The following ADAMTS2 variants were observed in gnomAD, a reference collection of about 807,000 sequenced individuals.
ADAMTS2 encodes A disintegrin and metalloproteinase with thrombospondin motifs 2.
Under a neutral mutation model 123.0 loss-of-function variants are expected in ADAMTS2, and 50 were observed. The ratio of observed to expected loss-of-function variants is 0.41; its 90% CI spans 0.32 to 0.51. ADAMTS2 has a LOEUF of 0.51. Ranked by LOEUF, ADAMTS2 falls within the 20% of genes least tolerant of loss-of-function variation. ADAMTS2 has a pLI of 0.35. For missense variants in ADAMTS2, 1,494 were observed against 1,705.2 expected, an observed-to-expected ratio of 0.88 and a Z score of 2.18; for synonymous variants, 678 against 695.4, an observed-to-expected ratio of 0.98 and a Z score of 0.39.
chr5:179,344,834 G>A (rs951734553), intron 1 of ADAMTS2, among the ~76,000 whole-genome samples: 2 of 152,168 alleles, frequency 1.3e-5, no homozygotes, highest in Admixed American at 1.3e-4. Flanking sequence ...CGGCTCCTCC[G>A]GAGCGTCCCC....
chr5:179,199,607 A>G (rs1408620616), intron 4 of ADAMTS2, among the ~76,000 whole-genome samples: 1 of 152,138 alleles, frequency 6.6e-6, no homozygotes, highest in Non-Finnish European at 1.5e-5. Flanking sequence ...CTCAGACCCC[A>G]GTGGGTGTGC....
chr5:179,145,250 A>G (rs1243593639), intron 10 of ADAMTS2, among the ~76,000 whole-genome samples: 2 of 152,168 alleles, frequency 1.3e-5, no homozygotes, highest in Admixed American at 6.6e-5. Context: ...TTTGGGGAGG[A>G]TATGGAGAAA....
At chr5:179,230,299 G>A (rs1304502188) in intron 3 of ADAMTS2, among the ~76,000 whole-genome samples, 1 of 152,148 alleles carries the variant, frequency 6.6e-6, no homozygotes, top group African/African-American at 2.4e-5. Context: ...AGTGCGGTCT[G>A]GACATCCCAG....
At chr5:179,140,607 C>T (rs1174447363) in intron 10 of ADAMTS2, among the ~76,000 whole-genome samples, 2 of 152,026 alleles carry the variant, frequency 1.3e-5, no homozygotes, top group Admixed American at 6.6e-5. Flanking sequence ...GTTTAGGGGA[C>T]CCACTTTAAG....
Position 179,234,067 on chromosome 5 carries a change from C to T in ADAMTS2, c.689-26352G>A, listed in dbSNP as rs980028705. ...CCGACTGCCAGGCCCTTCCACAGCC[C>T]GACTCCCCGTGGACTCTGCAGGTTT... On this transcript the variant is annotated intron_variant, in intron 3 of 21. Transcript: ENST00000251582. This position sits in a 1 kb window ranked among gnomAD's most constrained non-coding sequence, Gnocchi z 4.7. Among the ~76,000 whole-genome samples the T allele has an allele frequency of 2.6e-5, 4 of 152,154 alleles. No individual in the cohort carries two copies. The highest frequency in any genetic ancestry group is 5.9e-5 in the Non-Finnish European group (4 of 68,022).
intron 2 of ADAMTS2, among the ~76,000 whole-genome samples, chr5:179,280,021 C>G (rs1000317843): frequency 6.6e-6 from 1 of 152,238 alleles, no homozygotes; most frequent in Non-Finnish European, 1.5e-5. Context: ...GTCTAGGGCT[C>G]TGTCTTGGAG....
rs1763358930 is a variant in ADAMTS2 at position 179,151,708 on chromosome 5, AAGG to A, written c.1629+431_1629+433del. On this transcript the variant is annotated intron_variant, in intron 10 of 21. Coordinates refer to ENST00000251582, the MANE Select transcript of ADAMTS2 (RefSeq NM_014244.5). ...GGGAAGTGGGCCTGGGGCAGCCATC[AAGG>A]GACCTCGAAGGACAGTGTGCCCAAC... Among the ~76,000 whole-genome samples the A allele has an allele frequency of 3.3e-5, 5 of 152,196 alleles. No homozygotes were observed. In the South Asian group the frequency reaches 6.2e-4, roughly 19 times the overall value.
At chr5:179,207,015 A>C (rs1395780428) in intron 4 of ADAMTS2, among the ~76,000 whole-genome samples, 1 of 152,182 alleles carries the variant, frequency 6.6e-6, no homozygotes, top group East Asian at 1.9e-4. Flanking sequence ...GCTCTAATGC[A>C]CGTGAATCTC....
chr5:179,197,294 A>T lies in ADAMTS2; in HGVS notation c.891+10219T>A, dbSNP rs1365319179. Among the ~76,000 whole-genome samples the T allele has an allele frequency of 1.3e-5, 2 of 152,162 alleles. No individual in the cohort carries two copies. The highest frequency in any genetic ancestry group is 2.9e-5 in the Non-Finnish European group (2 of 68,028). ...TTGTAGATCCTGATATTTAAGCAACACATTGAGGCCTTAGGCTTCTCGGGA... is the reference window on the plus strand; with the variant it reads ...TTGTAGATCCTGATATTTAAGCAACTCATTGAGGCCTTAGGCTTCTCGGGA... On this transcript the variant is annotated intron_variant, in intron 4 of 21. Transcript: ENST00000251582. This position sits in a 1 kb window ranked among gnomAD's most constrained non-coding sequence, Gnocchi z 4.2.
chr5:179,330,507 G>A (rs528579836), intron 2 of ADAMTS2, among the ~76,000 whole-genome samples: 11 of 152,342 alleles, frequency 7.2e-5, no homozygotes, highest in Non-Finnish European at 1.0e-4. Flanking sequence ...CCCTAGTCCC[G>A]AGAATGCAGA....
At chr5:179,299,340 T>C (rs781512) in intron 2 of ADAMTS2, among the ~76,000 whole-genome samples, 10,939 of 15,666 alleles carry the variant, frequency 0.7, 3,857 homozygotes, top group East Asian at 0.91. Flanking sequence ...CCATCCTGGC[T>C]AACACGGTGA....
At chr5:179,283,334 G>A (rs1038740978) in intron 2 of ADAMTS2, among the ~76,000 whole-genome samples, 1 of 151,686 alleles carries the variant, frequency 6.6e-6, no homozygotes, top group African/African-American at 2.4e-5. Flanking sequence ...AAGAGTAGAG[G>A]AAGAAAAAAG....
chr5:179,316,778 A>G (rs1757012449), intron 2 of ADAMTS2, among the ~76,000 whole-genome samples: 1 of 152,158 alleles, frequency 6.6e-6, no homozygotes, highest in African/African-American at 2.4e-5. Flanking sequence ...CTCTACAAAA[A>G]ATAAATTTAA....
rs561461230 is a variant in ADAMTS2 at position 179,189,310 on chromosome 5, C to A, written c.892-8155G>T. On this transcript the variant is annotated intron_variant, in intron 4 of 21. Transcript: ENST00000251582. The surrounding 1 kb of genome is among the most constrained non-coding windows in gnomAD (Gnocchi z 4.2). Reference sequence around the variant, plus strand: ...AGCAAAGGGTGGTGGGACTACCATTCGTTGGTATAGGTTTGGGATAGACGG... The same window carrying A: ...AGCAAAGGGTGGTGGGACTACCATTAGTTGGTATAGGTTTGGGATAGACGG... 6.6e-6 allele frequency among the ~76,000 whole-genome samples: 1 copy of A among 151,322 alleles called. No individual in the cohort carries two copies. The highest frequency in any genetic ancestry group is 1.5e-5 in the Non-Finnish European group (1 of 67,888).
chr5:179,154,888 C>A lies in ADAMTS2; in HGVS notation c.1164G>T (p.Pro388=). 1 of 1,613,588 alleles carries A rather than the reference C, an allele frequency of 6.2e-7. No individual in the cohort carries two copies. Among genetic ancestry groups the A allele is most frequent in the Non-Finnish European group, 8.5e-7 (1 of 1,179,936 alleles). The change falls in exon 7 of 22, where the codon CCG becomes CCT. Residue 388 remains proline (P), a synonymous_variant. Transcript: ENST00000251582. ...CATGGTTCAGGGTGCAGCTGCGGAC[C>A]GGATGGCACATGCCGGTGACAGGAG... The part of the protein sequence containing the change: ...GYAPVTGMCH[P]VRSCTLNHED...
rs558835438 is a variant in ADAMTS2, at chr5:179,318,456, C to T, written c.534+25311G>A. ...GGACAGCCAGGGACGGCCACAGCTGCCCTGCCAGGAGGGACAGGGCCCACT... is the reference window on the plus strand; with the variant it reads ...GGACAGCCAGGGACGGCCACAGCTGTCCTGCCAGGAGGGACAGGGCCCACT... On this transcript the variant is annotated intron_variant, in intron 2 of 21. Transcript: ENST00000251582. 7.2e-5 allele frequency among the ~76,000 whole-genome samples: 11 copies of T among 152,194 alleles called. No individual in the cohort carries two copies. In the South Asian group the frequency reaches 2.3e-3, roughly 32 times the overall value.
At chr5:179,138,418 G>C (rs1763102981) in intron 11 of ADAMTS2, among the ~76,000 whole-genome samples, 1 of 152,208 alleles carries the variant, frequency 6.6e-6, no homozygotes, top group South Asian at 2.1e-4. Context: ...CAGAGTCCCG[G>C]TGCTGCAGTT....
At chr5:179,315,536 A>C (rs1327450058) in intron 2 of ADAMTS2, among the ~76,000 whole-genome samples, 2 of 152,250 alleles carry the variant, frequency 1.3e-5, no homozygotes, top group Admixed American at 6.5e-5. Flanking sequence ...AGAAGCTGGC[A>C]TGAGCCCTCC....
rs1212310032 is a variant in ADAMTS2, at chr5:179,260,614, C to T, written c.688+12297G>A. 6.6e-6 allele frequency among the ~76,000 whole-genome samples: 1 copy of T among 152,156 alleles called. No homozygotes were observed. Among genetic ancestry groups the T allele is most frequent in the Non-Finnish European group, 1.5e-5 (1 of 68,026 alleles). On this transcript the variant is annotated intron_variant, in intron 3 of 21. Coordinates refer to ENST00000251582, the MANE Select transcript of ADAMTS2 (RefSeq NM_014244.5). This position sits in a 1 kb window ranked among gnomAD's most constrained non-coding sequence, Gnocchi z 4.2. Reference sequence around the variant, plus strand: ...GCCCTGGGTTCTAAGCCTGCTCCTCCCTCCTGATGCAGGAGTCAAAAGGCC... The same window carrying T: ...GCCCTGGGTTCTAAGCCTGCTCCTCTCTCCTGATGCAGGAGTCAAAAGGCC...
Sources: gnomAD v4.1 joint callset for allele counts (sites outside exome capture counted in the v4.1 genomes callset) on GRCh38, gnomAD v4.1.1 for gene constraint, Gnocchi (gnomAD v3.1) non-coding constraint, MANE v1.5 for transcripts, NCBI Gene and HGNC (gene_info 2026-07-23, HGNC 2026-07-21) for gene names.